HNF4G: variants seen among roughly 807,000 people sequenced by gnomAD.
The protein encoded by HNF4G is hepatocyte nuclear factor 4-gamma.
Under a neutral mutation model 50.9 loss-of-function variants are expected in HNF4G, and 21 were observed. The observed-to-expected ratio is 0.41, with a 90% CI of 0.29 to 0.59. HNF4G has a LOEUF of 0.59. Ranked by LOEUF, HNF4G falls within the 20% of genes least tolerant of loss-of-function variation. The pLI is 0.26. For missense variants in HNF4G, 527 were observed against 559.4 expected (o/e 0.94, Z 0.58); for synonymous variants, 198 against 185.6 (o/e 1.07, Z -0.54).
intron 2 of HNF4G, among the ~76,000 whole-genome samples, chr8:75,504,296 A>C (rs1429199734): frequency 6.6e-6 from 1 of 151,710 alleles, no homozygotes; most frequent in Admixed American, 6.6e-5. Flanking sequence ...CAACAAAAAA[A>C]ATCTGGATAT....
intron 1 of HNF4G, among the ~76,000 whole-genome samples, chr8:75,410,616 T>G (rs1179679458): frequency 6.6e-6 from 1 of 152,188 alleles, no homozygotes; most frequent in Non-Finnish European, 1.5e-5. Context: ...ATGTTTGCAA[T>G]AACAACATGT....
At chr8:75,548,642 T>C (rs73331847) in intron 3 of HNF4G, among the ~76,000 whole-genome samples, 1,707 of 152,346 alleles carry the variant, frequency 0.011, 41 homozygotes, top group African/African-American at 0.039. Context: ...ATTGTAAACA[T>C]GTGACAGTGT....
intron 3 of HNF4G, among the ~76,000 whole-genome samples, chr8:75,551,128 G>A (rs977379206): frequency 2.6e-5 from 4 of 152,008 alleles, no homozygotes; most frequent in East Asian, 1.9e-4. Flanking sequence ...AAAATACAGC[G>A]TGGCGGAACT....
chr8:75,519,403 GT>G, intron 2 of HNF4G, among the ~76,000 whole-genome samples: 1 of 152,198 alleles, frequency 6.6e-6, no homozygotes, highest in South Asian at 2.1e-4. Flanking sequence ...TACATTTCAG[GT>G]GTCTTTAAAG....
chr8:75,532,453 T>A (rs1806354208), intron 2 of HNF4G, among the ~76,000 whole-genome samples: 1 of 152,024 alleles, frequency 6.6e-6, no homozygotes, highest in Non-Finnish European at 1.5e-5. Flanking sequence ...CAATGTTGAG[T>A]TTTGGTATAT....
chr8:75,489,826 G>T (rs1812580697), intron 1 of HNF4G, among the ~76,000 whole-genome samples: 1 of 152,134 alleles, frequency 6.6e-6, no homozygotes, highest in South Asian at 2.1e-4. Context: ...CCTCCTGGTA[G>T]CCAGATATTA....
At chr8:75,559,796 AT>A (rs1246227737) in intron 8 of HNF4G, among the ~76,000 whole-genome samples, 5 of 152,170 alleles carry the variant, frequency 3.3e-5, no homozygotes, top group Admixed American at 2.0e-4. Flanking sequence ...AAAAATGAAC[AT>A]TGTGCTCCTG....
chr8:75,466,627 T>TCGC lies in HNF4G; in HGVS notation c.-143-23461_-143-23460insGCC, dbSNP rs1330346860. On this transcript the variant is annotated intron_variant, in intron 1 of 10. Coordinates refer to the HNF4G transcript ENST00000354370. ...TTCCTTCCTTCCTTCCTTCCTTCCTTCCTTCCTTCTCCCTTCCCTTCCCTT... is the reference window on the plus strand; with the variant it reads ...TTCCTTCCTTCCTTCCTTCCTTCCTTCGCCCTTCCTTCTCCCTTCCCTTCCCTT... Among the ~76,000 whole-genome samples the TCGC allele has an allele frequency of 6.8e-3, 507 of 74,148 alleles. 10 individuals are homozygous for TCGC. Among genetic ancestry groups the TCGC allele is most frequent in the South Asian group, 0.028 (52 of 1,860 alleles). The allele number at this position is 74,148 out of a possible 152,430, so 48.6% of individuals were successfully genotyped here.
chr8:75,540,907 T>C (rs1021472515), intron 1 of HNF4G, among the ~76,000 whole-genome samples: 1 of 150,452 alleles, frequency 6.6e-6, no homozygotes, highest in African/African-American at 2.5e-5. Flanking sequence ...AGAATATATC[T>C]TGTACTGAGG....
At position 75,560,451 on chromosome 8, in the gene HNF4G, C is replaced by T; in HGVS notation, c.1231C>T (p.His411Tyr). The stretch of plus-strand genomic sequence containing the variant: ...TTTAGGTCCCATGTCAACACTGGTT[C>T]ATGCAGACCAGATCTGTAAGTTTAT... ...ILLGPMSTLV[H>Y]ADQISTPETP... Residue 411 changes from histidine to tyrosine, a missense_variant, in exon 9 of 10, where the codon CAT becomes TAT. Physicochemically the swap from His to Tyr is moderately conservative, Grantham distance 83. Transcript: ENST00000396423. 1 of 1,612,646 alleles carries T rather than the reference C, an allele frequency of 6.2e-7. No homozygotes were observed. Among genetic ancestry groups the T allele is most frequent in the Non-Finnish European group, 8.5e-7 (1 of 1,179,138 alleles).
intron 1 of HNF4G, among the ~76,000 whole-genome samples, chr8:75,433,885 G>A (rs1400999833): frequency 1.3e-5 from 2 of 151,792 alleles, no homozygotes; most frequent in African/African-American, 4.8e-5. Flanking sequence ...AAAGACTAAT[G>A]TCATGTAACT....
In HNF4G at chr8:75,417,353, A is replaced by G. The variant is rs117311964; in HGVS notation, c.-144+9191A>G. On this transcript the variant is annotated intron_variant, in intron 1 of 10. Coordinates refer to the HNF4G transcript ENST00000354370. ...GTGTGCTAGATACTAAATGCTTCAC[A>G]TATATTAAATTGTTTAATTCTTTCA... Among the ~76,000 whole-genome samples the G allele has an allele frequency of 1.8e-3, 275 of 152,346 alleles. 1 individual carries two copies. The East Asian group carries it at 0.018, about 10-fold the overall frequency.
At chr8:75,492,658 C>T (rs1438665527) in intron 2 of HNF4G, among the ~76,000 whole-genome samples, 2 of 152,060 alleles carry the variant, frequency 1.3e-5, no homozygotes, top group African/African-American at 2.4e-5. Context: ...TAGAGAAGAA[C>T]CAAAGCCTAG....
At chr8:75,526,127 T>TTTAC (rs1446812791) in intron 2 of HNF4G, among the ~76,000 whole-genome samples, 6 of 151,420 alleles carry the variant, frequency 4.0e-5, no homozygotes, top group African/African-American at 1.5e-4. Flanking sequence ...TATTTATTTA[T>TTTAC]TTATTTATTT....
intron 2 of HNF4G, among the ~76,000 whole-genome samples, chr8:75,514,016 T>A (rs1805825698): frequency 6.6e-6 from 1 of 152,002 alleles, no homozygotes; most frequent in South Asian, 2.1e-4. Flanking sequence ...TGCTATTTTT[T>A]CCTCCTTTAT....
At chr8:75,488,752 T>C (rs1332917844) in intron 1 of HNF4G, among the ~76,000 whole-genome samples, 1 of 152,188 alleles carries the variant, frequency 6.6e-6, no homozygotes, top group Admixed American at 6.5e-5. Context: ...TCTCAGTATC[T>C]TTGATAGCCT....
intron 2 of HNF4G, among the ~76,000 whole-genome samples, chr8:75,547,183 G>T (rs1289240455): frequency 6.6e-6 from 1 of 152,156 alleles, no homozygotes; most frequent in East Asian, 1.9e-4. Context: ...ATTAATAGAA[G>T]AATATTTGAA....
chr8:75,553,387 A>G (rs140448138), intron 5 of HNF4G, among the ~76,000 whole-genome samples, 190 bp downstream of exon 5: 215 of 152,216 alleles, frequency 1.4e-3, no homozygotes, highest in African/African-American at 4.7e-3. Context: ...TTTGACTTCT[A>G]TTTTAGGGGT....
At chr8:75,542,792 A>AATGGAAGG (rs1159509586) in intron 1 of HNF4G, among the ~76,000 whole-genome samples, 3 of 152,184 alleles carry the variant, frequency 2.0e-5, no homozygotes, top group African/African-American at 7.2e-5. Context: ...GGGCAGCAAG[A>AATGGAAGG]ATGGAAGGAA....
Sources: allele counts gnomAD v4.1 joint callset (sites outside exome capture counted in the v4.1 genomes callset), GRCh38; gene constraint gnomAD v4.1.1; transcripts MANE v1.5; gene names NCBI Gene and HGNC (gene_info 2026-07-23, HGNC 2026-07-21).